Variants in KIAA1217 observed in about 807,000 individuals in gnomAD.
KIAA1217 encodes the protein sickle tail protein homolog.
Under a neutral mutation model 163.9 loss-of-function variants are expected in KIAA1217, and 88 were observed. The ratio of observed to expected loss-of-function variants is 0.54; its 90% CI spans 0.45 to 0.64. KIAA1217 has a LOEUF of 0.64. KIAA1217 is among the 30% of genes least tolerant of loss of function. The pLI is 0.00. For synonymous variants in KIAA1217, 903 were observed against 923.1 expected (o/e 0.98, Z 0.39); for missense variants, 2,372 against 2,475.0 (o/e 0.96, Z 0.88).
chr10:24,238,722 T>G (rs966435979), intron 2 of KIAA1217, among the ~76,000 whole-genome samples: 2 of 152,102 alleles, frequency 1.3e-5, no homozygotes, highest in Non-Finnish European at 2.9e-5. Context: ...AAGTATCAAT[T>G]GAAGGTTTTT....
At chr10:24,174,827 T>C (rs1388130708) in intron 2 of KIAA1217, among the ~76,000 whole-genome samples, 1 of 152,164 alleles carries the variant, frequency 6.6e-6, no homozygotes, top group East Asian at 1.9e-4. Context: ...ACTGGAACAG[T>C]GTATAGTATA....
chr10:24,147,773 C>T (rs2064388565), intron 2 of KIAA1217, among the ~76,000 whole-genome samples: 1 of 124,328 alleles, frequency 8.0e-6, no homozygotes, highest in African/African-American at 3.2e-5. Context: ...GCAGAGGTTG[C>T]AGTGACCCAA....
intron 7 of KIAA1217, chr10:24,494,905 G>A (rs1309047244): frequency 6.9e-6 from 4 of 579,304 alleles, no homozygotes; most frequent in East Asian, 2.9e-5. Flanking sequence ...CCACCCTTGC[G>A]TGTCCACGTC....
At chr10:24,399,189 C>T (rs1226630528) in intron 3 of KIAA1217, among the ~76,000 whole-genome samples, 1 of 152,164 alleles carries the variant, frequency 6.6e-6, no homozygotes, top group Non-Finnish European at 1.5e-5. Flanking sequence ...ATAGTAAGTA[C>T]TCTGTAAATT....
chr10:24,216,422 A>T (rs1430139211), intron 1 of KIAA1217, among the ~76,000 whole-genome samples: 62 of 152,204 alleles, frequency 4.1e-4, no homozygotes, highest in Non-Finnish European at 7.3e-5. Context: ...ATGCCTGCAT[A>T]AGAAATCACC....
chr10:24,265,298 G>A (rs1331376569), intron 2 of KIAA1217, among the ~76,000 whole-genome samples: 1 of 152,144 alleles, frequency 6.6e-6, no homozygotes, highest in African/African-American at 2.4e-5. Flanking sequence ...ATTTTGATTA[G>A]GTCAAATAAC....
At position 24,175,925 on chromosome 10, in the gene KIAA1217, G is replaced by A. The variant is rs537016852; in HGVS notation, c.-170-43701G>A. On this transcript the variant is annotated intron_variant, in intron 2 of 18. Coordinates refer to the KIAA1217 transcript ENST00000376462. ...GTGTTACAGCTCATAAAGGCAGTGCGGACCCAAAGAGTGAGCAGCAGCAAT... is the reference window on the plus strand; with the variant it reads ...GTGTTACAGCTCATAAAGGCAGTGCAGACCCAAAGAGTGAGCAGCAGCAAT... Among the ~76,000 whole-genome samples the A allele has an allele frequency of 9.5e-4, 144 of 152,244 alleles. No individual in the cohort carries two copies. The Middle Eastern group carries it at 0.02, about 22-fold the overall frequency.
intron 2 of KIAA1217, among the ~76,000 whole-genome samples, chr10:24,169,130 G>A (rs1344293036): frequency 6.6e-6 from 1 of 152,242 alleles, no homozygotes; most frequent in African/African-American, 2.4e-5. Context: ...CATGTCAAAT[G>A]TTTGTGCTGT....
chr10:23,737,306 C>T (rs1018648314), intron 1 of KIAA1217, among the ~76,000 whole-genome samples: 7 of 152,116 alleles, frequency 4.6e-5, no homozygotes, highest in Admixed American at 6.5e-5. Context: ...TCAAGCGATT[C>T]TTCTGCCTCA....
At chr10:23,928,564 A>G (rs1326283836) in intron 1 of KIAA1217, among the ~76,000 whole-genome samples, 2 of 152,184 alleles carry the variant, frequency 1.3e-5, no homozygotes, top group African/African-American at 2.4e-5. Flanking sequence ...TGGAGTACTG[A>G]ACAGGGCATG....
intron 2 of KIAA1217, among the ~76,000 whole-genome samples, chr10:24,348,652 A>G (rs1389206537): frequency 1.3e-5 from 2 of 152,224 alleles, no homozygotes; most frequent in African/African-American, 4.8e-5. Flanking sequence ...AAATGTATAC[A>G]TATCAGGCAA....
chr10:23,839,304 T>C (rs1011060261), intron 1 of KIAA1217, among the ~76,000 whole-genome samples: 4 of 152,232 alleles, frequency 2.6e-5, no homozygotes, highest in Admixed American at 2.0e-4. Flanking sequence ...AATCTTGTAG[T>C]AGACCTTTTT....
intron 2 of KIAA1217, among the ~76,000 whole-genome samples, chr10:24,260,441 C>T (rs1239522015): frequency 1.3e-5 from 2 of 151,958 alleles, no homozygotes; most frequent in African/African-American, 2.4e-5. Flanking sequence ...ATGAAAAGCA[C>T]AGACATATTT....
intron 2 of KIAA1217, among the ~76,000 whole-genome samples, chr10:24,103,220 A>T (rs1375296792): frequency 6.6e-6 from 1 of 152,226 alleles, no homozygotes; most frequent in Admixed American, 6.5e-5. Flanking sequence ...ATACAATAAA[A>T]AAAGAAAAGA....
chr10:24,308,178 T>C (rs1382885011), intron 2 of KIAA1217, among the ~76,000 whole-genome samples: 1 of 152,200 alleles, frequency 6.6e-6, no homozygotes, highest in Non-Finnish European at 1.5e-5. Context: ...TTCTCTCAGC[T>C]CCTCTTTCCC....
intron 2 of KIAA1217, among the ~76,000 whole-genome samples, chr10:24,048,705 G>T (rs1237220296): frequency 6.7e-6 from 1 of 148,486 alleles, no homozygotes; most frequent in Non-Finnish European, 1.5e-5. Context: ...ACCCGAGCCT[G>T]GGTGACAGAG....
chr10:24,384,302 T>G (rs965341970), intron 3 of KIAA1217, among the ~76,000 whole-genome samples: 4 of 152,170 alleles, frequency 2.6e-5, no homozygotes, highest in Non-Finnish European at 5.9e-5. Flanking sequence ...ATCATTTTAT[T>G]TTTTAGGAGC....
chr10:24,220,293 G>A (rs867013953), intron 2 of KIAA1217, among the ~76,000 whole-genome samples: 2 of 152,156 alleles, frequency 1.3e-5, no homozygotes, highest in South Asian at 2.1e-4. Flanking sequence ...CTGAAAGCAC[G>A]GAGTGCTTAG....
intron 2 of KIAA1217, among the ~76,000 whole-genome samples, chr10:24,155,723 A>T (rs1375973775): frequency 6.6e-6 from 1 of 151,942 alleles, no homozygotes; most frequent in Non-Finnish European, 1.5e-5. Context: ...TCAGGAGGCT[A>T]AGGCAGGGAG....
Sources: gnomAD v4.1 joint callset for allele counts (sites outside exome capture counted in the v4.1 genomes callset) on GRCh38, gnomAD v4.1.1 for gene constraint, MANE v1.5 for transcripts, NCBI Gene and HGNC (gene_info 2026-07-23, HGNC 2026-07-21) for gene names.